CELF4: variants seen among roughly 807,000 people sequenced by gnomAD.
CELF4 encodes CUGBP Elav-like family member 4.
In CELF4, 18 loss-of-function variants were observed where a neutral mutation model predicts 59.9. The observed-to-expected ratio is 0.30, with a 90% CI of 0.21 to 0.45. CELF4 has a LOEUF of 0.45. Among genes scored for constraint, CELF4 ranks in the 20% least tolerant of loss-of-function variants. CELF4 has a pLI of 1.00. For missense variants in CELF4, 456 were observed against 689.0 expected, an observed-to-expected ratio of 0.66 and a Z score of 3.79; for synonymous variants, 261 against 267.1, an observed-to-expected ratio of 0.98 and a Z score of 0.22.
At chr18:37,537,073 G>T (rs1475336192) in intron 1 of CELF4, among the ~76,000 whole-genome samples, 1 of 152,180 alleles carries the variant, frequency 6.6e-6, no homozygotes, top group East Asian at 1.9e-4. Context: ...TGGCCACTCA[G>T]CCCTTACCTG....
chr18:37,501,293 A>T (rs949455376), intron 1 of CELF4, among the ~76,000 whole-genome samples: 2 of 152,220 alleles, frequency 1.3e-5, no homozygotes, highest in Non-Finnish European at 2.9e-5. Context: ...TTGATGTGGG[A>T]AAGTTCCAGA....
chr18:37,395,613 G>T (rs1356185607), intron 2 of CELF4, among the ~76,000 whole-genome samples: 3 of 152,184 alleles, frequency 2.0e-5, no homozygotes, highest in Non-Finnish European at 2.9e-5. Context: ...GGATGCTAGG[G>T]TCCCCATCTC....
chr18:37,397,564 A>G (rs2099260656), intron 2 of CELF4, among the ~76,000 whole-genome samples: 1 of 151,986 alleles, frequency 6.6e-6, no homozygotes, highest in African/African-American at 2.4e-5. Flanking sequence ...GTGGGGAGGG[A>G]TGGAGGCTGG....
At chr18:37,367,966 G>T (rs2154563497) in intron 2 of CELF4, among the ~76,000 whole-genome samples, 1 of 152,110 alleles carries the variant, frequency 6.6e-6, no homozygotes, top group Admixed American at 6.5e-5. Flanking sequence ...CAGGGGGAGG[G>T]TGGGCTTGCT....
chr18:37,351,981 G>A (rs1421259259), intron 2 of CELF4, among the ~76,000 whole-genome samples: 1 of 152,152 alleles, frequency 6.6e-6, no homozygotes, highest in East Asian at 1.9e-4. Context: ...GGCAGCCAAG[G>A]GAGTGGCCAG....
chr18:37,343,864 G>T (rs1297895505), intron 2 of CELF4, among the ~76,000 whole-genome samples: 2 of 151,982 alleles, frequency 1.3e-5, no homozygotes, highest in African/African-American at 2.4e-5. Context: ...CTCCTATCAG[G>T]CTGTCCACTT....
At chr18:37,338,367 C>T (rs947884105) in intron 2 of CELF4, among the ~76,000 whole-genome samples, 5 of 145,370 alleles carry the variant, frequency 3.4e-5, no homozygotes, top group Non-Finnish European at 7.4e-5. Context: ...TTACCTTAAC[C>T]TTGTCACTAT....
intron 1 of CELF4, among the ~76,000 whole-genome samples, chr18:37,515,344 G>A (rs1339131645): frequency 6.6e-6 from 1 of 152,158 alleles, no homozygotes; most frequent in African/African-American, 2.4e-5. Flanking sequence ...CTGCTCTGCA[G>A]TGTTGTCTGA....
chr18:37,420,634 C>G (rs911100856), intron 2 of CELF4, among the ~76,000 whole-genome samples: 1 of 152,142 alleles, frequency 6.6e-6, no homozygotes, highest in African/African-American at 2.4e-5. Flanking sequence ...TGCAGGATAG[C>G]CCAGCCTCTG....
chr18:37,458,994 G>A (rs2099786323), intron 2 of CELF4, among the ~76,000 whole-genome samples: 1 of 152,216 alleles, frequency 6.6e-6, no homozygotes, highest in Admixed American at 6.5e-5. Context: ...GCTTGGCTCT[G>A]CTTGCAGAGC....
intron 2 of CELF4, among the ~76,000 whole-genome samples, chr18:37,374,011 A>G (rs1260511364): frequency 6.6e-6 from 1 of 152,204 alleles, no homozygotes; most frequent in East Asian, 1.9e-4. Flanking sequence ...GAAAAATCCG[A>G]AGGATAATGT....
chr18:37,334,054 T>G (rs2097670738), intron 2 of CELF4, among the ~76,000 whole-genome samples: 1 of 152,128 alleles, frequency 6.6e-6, no homozygotes. Flanking sequence ...CTCCTGAAAG[T>G]GCGTTCTTTA....
intron 2 of CELF4, among the ~76,000 whole-genome samples, chr18:37,377,020 T>TGGA (rs1196631281): frequency 7.4e-4 from 104 of 141,140 alleles, no homozygotes; most frequent in African/African-American, 2.5e-3. Context: ...TAAGGGGAGG[T>TGGA]GGAGGAGGGA....
intron 12 of CELF4, chr18:37,247,348 A>C (rs1019000837): frequency 7.5e-6 from 1 of 133,492 alleles, no homozygotes; most frequent in African/African-American, 2.8e-5. Context: ...GTAGAGAGAG[A>C]GAGAGAGAGG....
intron 2 of CELF4, among the ~76,000 whole-genome samples, chr18:37,330,934 G>A (rs776062532): frequency 1.1e-4 from 16 of 152,166 alleles, no homozygotes; most frequent in African/African-American, 3.6e-4. Context: ...AGTGAGCACC[G>A]ACCAGACAGA....
chr18:37,399,974 G>A lies in CELF4; in HGVS notation c.370-78093C>T, dbSNP rs573602843. ...AGATGCTGAGGGAAAGGCAAATCCCGGAGGCAAACTGATGAGATTGTTGGT... is the reference window on the plus strand; with the variant it reads ...AGATGCTGAGGGAAAGGCAAATCCCAGAGGCAAACTGATGAGATTGTTGGT... On this transcript the variant is annotated intron_variant, in intron 2 of 12. Transcript: ENST00000420428. Among the ~76,000 whole-genome samples, 310 of 152,280 alleles carry A rather than the reference G, an allele frequency of 2.0e-3. 4 individuals carry two copies. Among genetic ancestry groups the A allele is most frequent in the African/African-American group, 1.8e-3 (76 of 41,566 alleles).
chr18:37,512,657 C>T (rs2099945852), intron 1 of CELF4, among the ~76,000 whole-genome samples: 1 of 150,900 alleles, frequency 6.6e-6, no homozygotes, highest in Non-Finnish European at 1.5e-5. Context: ...CCTTCTCCAT[C>T]TCTTTCTTCT....
chr18:37,520,976 T>G (rs2099956672), intron 1 of CELF4, among the ~76,000 whole-genome samples: 1 of 151,910 alleles, frequency 6.6e-6, no homozygotes, highest in South Asian at 2.1e-4. Context: ...TCCAGACCCC[T>G]TGGCATGGGG....
chr18:37,479,430 T>C (rs2099859949), intron 2 of CELF4, among the ~76,000 whole-genome samples: 1 of 152,192 alleles, frequency 6.6e-6, no homozygotes, highest in Admixed American at 6.5e-5. Context: ...GTCCTGTACA[T>C]TGTAGGATAT....
Sources: gnomAD v4.1 joint callset for allele counts (sites outside exome capture counted in the v4.1 genomes callset) on GRCh38, gnomAD v4.1.1 for gene constraint, MANE v1.5 for transcripts, NCBI Gene and HGNC (gene_info 2026-07-23, HGNC 2026-07-21) for gene names.